Variants in NRXN3 observed in about 807,000 individuals in gnomAD.
NRXN3 encodes neurexin 3.
Under a neutral mutation model 137.6 loss-of-function variants are expected in NRXN3, and 32 were observed. That is an observed-to-expected ratio of 0.23 (90% CI 0.18 to 0.31). The LOEUF (loss-of-function observed/expected upper bound fraction) is 0.31. Among genes scored for constraint, NRXN3 ranks in the 10% least tolerant of loss-of-function variants. The pLI is 1.00. For synonymous variants in NRXN3, 798 were observed against 784.5 expected, an observed-to-expected ratio of 1.02 and a Z score of -0.29; for missense variants, 1,574 against 2,062.5, an observed-to-expected ratio of 0.76 and a Z score of 4.59.
chr14:79,750,612 G>A (rs980860855), intron 19 of NRXN3, among the ~76,000 whole-genome samples: 3 of 152,080 alleles, frequency 2.0e-5, no homozygotes, highest in Admixed American at 6.6e-5. Context: ...AGAACCTGGG[G>A]GTACTGATTT....
chr14:78,250,830 T>C (rs1298224096), intron 2 of NRXN3, among the ~76,000 whole-genome samples: 1 of 152,188 alleles, frequency 6.6e-6, no homozygotes, highest in Non-Finnish European at 1.5e-5. Context: ...ATGGCCTGTG[T>C]CTCTGTCGTG....
intron 15 of NRXN3, among the ~76,000 whole-genome samples, chr14:79,070,213 C>A (rs1220906538): frequency 1.3e-5 from 2 of 152,110 alleles, no homozygotes; most frequent in Non-Finnish European, 2.9e-5. Context: ...CCGTAATGCC[C>A]TTGACAGTAA....
At chr14:78,736,553 C>T (rs2098542109) in intron 8 of NRXN3, among the ~76,000 whole-genome samples, 1 of 152,094 alleles carries the variant, frequency 6.6e-6, no homozygotes, top group Non-Finnish European at 1.5e-5. Context: ...TATGCCATAA[C>T]CTGATGAGGT....
At chr14:78,888,478 T>C (rs2099149872) in intron 10 of NRXN3, among the ~76,000 whole-genome samples, 1 of 152,072 alleles carries the variant, frequency 6.6e-6, no homozygotes, top group African/African-American at 2.4e-5. Context: ...AGACAATTTG[T>C]TACCAAATGA....
chr14:79,187,747 G>A (rs924571562), intron 15 of NRXN3, among the ~76,000 whole-genome samples: 4 of 152,166 alleles, frequency 2.6e-5, no homozygotes, highest in African/African-American at 9.7e-5. Flanking sequence ...AGATTTTACG[G>A]GTGATTACAG....
At position 79,861,698 on chromosome 14, in the gene NRXN3, G is replaced by C; in HGVS notation, c.4450G>C (p.Gly1484Arg). 6.2e-7 allele frequency: 1 copy of C among 1,614,152 alleles called. No individual in the cohort carries two copies. ...GGAGCCGGGAATCAGACGGGTTCCG[G>C]GGGCCTCAGAGGTGATCCGGGAGTC... Reference protein sequence around the residue: ...PTEPGIRRVPGASEVIRESSS... With the variant: ...PTEPGIRRVPRASEVIRESSS... The change falls in exon 21 of 21, where the codon GGG becomes CGG. Residue 1484 changes from glycine (G) to arginine (R), a missense_variant. Physicochemically the swap from Gly to Arg is moderately radical, Grantham distance 125. Around this residue, in one of 5 missense-constraint regions of NRXN3, gnomAD observed 320 missense variants for 387.1 expected, o/e 0.83. Transcript: ENST00000335750. The surrounding 1 kb of genome is among the most constrained non-coding windows in gnomAD (Gnocchi z 5.4).
chr14:78,786,303 C>T (rs1325061441), intron 8 of NRXN3, among the ~76,000 whole-genome samples: 1 of 152,124 alleles, frequency 6.6e-6, no homozygotes, highest in Non-Finnish European at 1.5e-5. Context: ...CCAAGAAGAG[C>T]ATATTCTCCT....
intron 10 of NRXN3, among the ~76,000 whole-genome samples, chr14:78,811,625 T>C (rs1316702441): frequency 6.6e-6 from 1 of 152,224 alleles, no homozygotes; most frequent in Non-Finnish European, 1.5e-5. Flanking sequence ...ATCCAACTTT[T>C]ACATTTGGTT....
At chr14:78,293,841 T>G (rs763225121) in intron 3 of NRXN3, among the ~76,000 whole-genome samples, 3 of 151,854 alleles carry the variant, frequency 2.0e-5, no homozygotes, top group Non-Finnish European at 4.4e-5. Flanking sequence ...ACTATGCATA[T>G]GTATTCATTC....
intron 1 of NRXN3, among the ~76,000 whole-genome samples, chr14:78,184,008 C>A (rs1321883843): frequency 6.6e-6 from 1 of 152,082 alleles, no homozygotes; most frequent in Admixed American, 6.5e-5. Flanking sequence ...TATTTTACAA[C>A]AATTAACTCC....
chr14:79,544,991 G>C (rs910982782), intron 16 of NRXN3, among the ~76,000 whole-genome samples: 3 of 152,158 alleles, frequency 2.0e-5, no homozygotes, highest in Non-Finnish European at 4.4e-5. Flanking sequence ...CTACAAGTAA[G>C]TCTTACCAGT....
intron 4 of NRXN3, among the ~76,000 whole-genome samples, chr14:78,625,968 C>G (rs1323137633): frequency 1.3e-5 from 2 of 152,188 alleles, no homozygotes; most frequent in African/African-American, 2.4e-5. Context: ...TGTCACAACA[C>G]TTGTCTCTGA....
intron 16 of NRXN3, among the ~76,000 whole-genome samples, chr14:79,536,456 A>T (rs539797035): frequency 1.8e-4 from 27 of 149,138 alleles, no homozygotes; most frequent in African/African-American, 4.2e-4. Context: ...TTTATTAATT[A>T]TTTTTTTTTT....
chr14:79,380,676 A>T (rs1200150420), intron 15 of NRXN3, among the ~76,000 whole-genome samples: 1 of 152,158 alleles, frequency 6.6e-6, no homozygotes, highest in Non-Finnish European at 1.5e-5. Context: ...ATGTGTCTTT[A>T]TAGCAGTATG....
intron 4 of NRXN3, among the ~76,000 whole-genome samples, chr14:78,343,400 C>T (rs1292485125): frequency 1.3e-5 from 2 of 152,198 alleles, no homozygotes; most frequent in East Asian, 1.9e-4. Flanking sequence ...TCTCCCAAAT[C>T]GCTCATGTTC....
rs139026225 is a variant in NRXN3 at position 79,407,318 on chromosome 14, A to T, written c.3263-59903A>T. 1.3e-3 allele frequency among the ~76,000 whole-genome samples: 204 copies of T among 152,276 alleles called. 1 individual carries two copies. The highest frequency in any genetic ancestry group is 4.6e-3 in the African/African-American group (192 of 41,566). On this transcript the variant is annotated intron_variant, in intron 15 of 20. Coordinates refer to ENST00000335750, the MANE Select transcript of NRXN3 (RefSeq NM_001330195.2). ...TTTGAGATTAATAGATATAATCATT[A>T]TTATTTTGTGTTATTCTTTCTACTC...
rs571581637 is a variant in NRXN3 at position 78,612,782 on chromosome 14, G to T, written c.758-32338G>T. On this transcript the variant is annotated intron_variant, in intron 4 of 20. Transcript: ENST00000335750. ...CTGCATACTGAAACTCTTCCTGCAG[G>T]TTTTTCTCTCTGGCAGCCATCCCCA... 1.2e-4 allele frequency among the ~76,000 whole-genome samples: 18 copies of T among 152,266 alleles called. No individual in the cohort carries two copies. The East Asian group carries it at 3.5e-3, about 29-fold the overall frequency.
intron 16 of NRXN3, among the ~76,000 whole-genome samples, chr14:79,540,887 G>A (rs1164203597): frequency 6.6e-6 from 1 of 152,190 alleles, no homozygotes; most frequent in African/African-American, 2.4e-5. Context: ...CACAAACTTG[G>A]TGGAATCAAA....
chr14:79,452,752 A>G (rs924136210), intron 15 of NRXN3, among the ~76,000 whole-genome samples: 2 of 152,240 alleles, frequency 1.3e-5, no homozygotes, highest in African/African-American at 4.8e-5. Flanking sequence ...GTAATTAGGC[A>G]GGAGAAATGA....
Sources: gnomAD v4.1 joint callset for allele counts (sites outside exome capture counted in the v4.1 genomes callset) on GRCh38, gnomAD v4.1.1 for gene constraint, gnomAD v4.1.1 regional missense constraint, Gnocchi (gnomAD v3.1) non-coding constraint, MANE v1.5 for transcripts, NCBI Gene and HGNC (gene_info 2026-07-23, HGNC 2026-07-21) for gene names.